Variants in FAM120A observed in about 807,000 individuals in gnomAD.
FAM120A encodes constitutive coactivator of PPAR-gamma-like protein 1.
In FAM120A, 15 loss-of-function variants were observed where a neutral mutation model predicts 109.7. The observed-to-expected ratio is 0.14, with a 90% confidence interval of 0.09 to 0.21. The LOEUF (loss-of-function observed/expected upper bound fraction) is 0.21. FAM120A is among the 10% of genes least tolerant of loss of function. The pLI is 1.00. For synonymous variants in FAM120A, 493 were observed against 572.8 expected, an observed-to-expected ratio of 0.86 and a Z score of 1.99; for missense variants, 899 against 1,439.3, an observed-to-expected ratio of 0.62 and a Z score of 6.07.
chr9:93,505,136 C>A (rs1414829005), intron 5 of FAM120A, among the ~76,000 whole-genome samples: 1 of 141,626 alleles, frequency 7.1e-6, no homozygotes, highest in African/African-American at 2.7e-5. Context: ...TCTCGGCTCA[C>A]TGCAAGCTCC....
At chr9:93,481,052 T>C (rs983807648) in intron 3 of FAM120A, among the ~76,000 whole-genome samples, 1 of 152,226 alleles carries the variant, frequency 6.6e-6, no homozygotes, top group African/African-American at 2.4e-5. Flanking sequence ...GCCTGCCTCC[T>C]CCTGTGCCCT....
At chr9:93,485,504 G>C (rs535570244) in intron 3 of FAM120A, among the ~76,000 whole-genome samples, 1 of 152,168 alleles carries the variant, frequency 6.6e-6, no homozygotes, top group Admixed American at 6.5e-5. Flanking sequence ...GACTGAAGTG[G>C]AAGGATTGCT....
At chr9:93,468,420 GA>G (rs1444679988) in intron 1 of FAM120A, among the ~76,000 whole-genome samples, 1 of 152,206 alleles carries the variant, frequency 6.6e-6, no homozygotes, top group African/African-American at 2.4e-5. Flanking sequence ...ATATGTAAAA[GA>G]ACGGTAGTTT....
chr9:93,465,275 T>C (rs1451136842), intron 1 of FAM120A, among the ~76,000 whole-genome samples: 1 of 152,240 alleles, frequency 6.6e-6, no homozygotes, highest in African/African-American at 2.4e-5. Context: ...TTAACCAGGC[T>C]TTCCTTGACT....
intron 11 of FAM120A, among the ~76,000 whole-genome samples, chr9:93,544,672 C>T (rs1051298984): frequency 6.6e-6 from 1 of 152,144 alleles, no homozygotes; most frequent in Non-Finnish European, 1.5e-5. Context: ...AAAATCAATC[C>T]GCAGTGATGC....
rs1857280806 is a variant in FAM120A, at chr9:93,452,350, C to A, written c.435C>A (p.Ala145=). 1.9e-6 allele frequency: 3 copies of A among 1,612,290 alleles called. No homozygotes were observed. The highest frequency in any genetic ancestry group is 2.7e-5 in the African/African-American group (2 of 74,934). ...KVWFLPPVCM[A]HCIRLALIRF... is the part of the protein sequence containing the mutation. ...GGTTCCTGCCGCCCGTCTGCATGGC[C>A]CACTGCATCCGCCTGGCGCTCATCC... Residue 145 remains alanine (A), a synonymous_variant, in exon 1 of 18, where the codon GCC becomes GCA. Transcript: ENST00000277165. The surrounding 1 kb of genome is among the most constrained non-coding windows in gnomAD (Gnocchi z 7.0).
intron 7 of FAM120A, among the ~76,000 whole-genome samples, chr9:93,516,534 T>C (rs1405647941): frequency 6.6e-6 from 1 of 152,110 alleles, no homozygotes; most frequent in Non-Finnish European, 1.5e-5. Context: ...GGGAGGAATT[T>C]GACAAGAACT....
intron 1 of FAM120A, among the ~76,000 whole-genome samples, chr9:93,464,728 T>C (rs888697909): frequency 6.6e-6 from 1 of 152,234 alleles, no homozygotes; most frequent in Non-Finnish European, 1.5e-5. Context: ...CAGTGGCTAC[T>C]AGCCTGGGAC....
chr9:93,464,463 G>T (rs572092849), intron 1 of FAM120A, among the ~76,000 whole-genome samples: 2 of 152,134 alleles, frequency 1.3e-5, no homozygotes, highest in African/African-American at 4.8e-5. Context: ...TCTTGGGGAG[G>T]GGGTAGACAG....
chr9:93,510,478 T>C (rs112476825), intron 5 of FAM120A, among the ~76,000 whole-genome samples: 5,487 of 152,340 alleles, frequency 0.036, 169 homozygotes, highest in African/African-American at 0.07. Flanking sequence ...CAGTTCAGTT[T>C]ACCAGTGACT....
rs558530689 is a variant in FAM120A at position 93,540,480 on chromosome 9, G to A, written c.1910-2742G>A. Among the ~76,000 whole-genome samples, 9 of 152,232 alleles carry A rather than the reference G, an allele frequency of 5.9e-5. No homozygotes were observed. The South Asian group carries it at 1.9e-3, about 32-fold the overall frequency. On this transcript the variant is annotated intron_variant, in intron 10 of 17. Transcript: ENST00000277165. ...AACCCCTCTCTGTCCCTACTGTGTC[G>A]ACAGGCTTACCCAGGACAGTTCCGA...
chr9:93,546,014 G>T (rs372006899), intron 11 of FAM120A, among the ~76,000 whole-genome samples: 1 of 151,780 alleles, frequency 6.6e-6, no homozygotes, highest in Admixed American at 6.6e-5. Flanking sequence ...TTGAACTCCT[G>T]ACCTCAGGTG....
chr9:93,534,414 A>G (rs573475140), intron 10 of FAM120A, among the ~76,000 whole-genome samples: 1 of 152,136 alleles, frequency 6.6e-6, no homozygotes, highest in Non-Finnish European at 1.5e-5. Context: ...CAAAGGAAGA[A>G]AAGACAAGAA....
chr9:93,459,296 A>G (rs1857685979), intron 1 of FAM120A, among the ~76,000 whole-genome samples: 1 of 152,206 alleles, frequency 6.6e-6, no homozygotes, highest in Non-Finnish European at 1.5e-5. Flanking sequence ...CTTGTACCCC[A>G]TTATGCTTAG....
chr9:93,456,333 T>C (rs1339229880), intron 1 of FAM120A, among the ~76,000 whole-genome samples: 1 of 152,238 alleles, frequency 6.6e-6, no homozygotes, highest in Non-Finnish European at 1.5e-5. Flanking sequence ...TGTAAGGGTT[T>C]ATAATAAAGT....
rs773265079 is a variant in FAM120A, at chr9:93,557,857, C to T, written c.2515C>T (p.Arg839Cys). Reference protein sequence around the residue: ...ADQAAKVEKMRQSVLEGLSFS... With the variant: ...ADQAAKVEKMCQSVLEGLSFS... ...TCAGGCTGCCAAGGTAGAGAAGATG[C>T]GCCAGAGCGTCCTCGAGGGGCTCAG... is the stretch of plus-strand genomic sequence containing the variant. The change falls in exon 14 of 18, where the codon CGC becomes TGC. Residue 839 changes from arginine to cysteine, a missense_variant. Physicochemically the swap from Arg to Cys is radical, Grantham distance 180. This residue lies in a region of FAM120A where 129 missense variants were observed against 153.4 expected (regional missense o/e 0.84). Coordinates refer to ENST00000277165, the MANE Select transcript of FAM120A (RefSeq NM_014612.5). 1.2e-6 allele frequency: 2 copies of T among 1,613,758 alleles called. No homozygotes were observed. The highest frequency in any genetic ancestry group is 8.5e-7 in the Non-Finnish European group (1 of 1,179,920).
At chr9:93,555,382 C>T (rs1219827752) in intron 12 of FAM120A, among the ~76,000 whole-genome samples, 3 of 152,172 alleles carry the variant, frequency 2.0e-5, no homozygotes, top group East Asian at 3.8e-4. Context: ...ACACAAACAA[C>T]AAAAACAGCA....
intron 3 of FAM120A, among the ~76,000 whole-genome samples, chr9:93,487,652 G>C (rs1372585946): frequency 6.6e-6 from 1 of 152,334 alleles, no homozygotes; most frequent in East Asian, 1.9e-4. Context: ...AATAGTGATA[G>C]AAAGTAGACT....
At chr9:93,488,510 C>G (rs1373086576) in intron 3 of FAM120A, among the ~76,000 whole-genome samples, 1 of 152,120 alleles carries the variant, frequency 6.6e-6, no homozygotes, top group Non-Finnish European at 1.5e-5. Flanking sequence ...CCTGGCAGAT[C>G]TGTGCTGAAG....
Sources: gnomAD v4.1 joint callset for allele counts (sites outside exome capture counted in the v4.1 genomes callset) on GRCh38, gnomAD v4.1.1 for gene constraint, gnomAD v4.1.1 regional missense constraint, Gnocchi (gnomAD v3.1) non-coding constraint, MANE v1.5 for transcripts, NCBI Gene and HGNC (gene_info 2026-07-23, HGNC 2026-07-21) for gene names.